PTPRD: variants seen among roughly 807,000 people sequenced by gnomAD.
PTPRD encodes the protein protein tyrosine phosphatase receptor type D, also known as receptor-type tyrosine-protein phosphatase delta.
Under a neutral mutation model 214.5 loss-of-function variants are expected in PTPRD, and 34 were observed. The observed-to-expected ratio is 0.16, with a 90% CI of 0.12 to 0.21. The LOEUF (loss-of-function observed/expected upper bound fraction) is 0.21, where lower values mean the gene tolerates loss of function less well. Among genes scored for constraint, PTPRD ranks in the 10% least tolerant of loss-of-function variants. The pLI is 1.00. For missense variants in PTPRD, 2,545 were observed against 2,398.7 expected (o/e 1.06, Z -1.27); for synonymous variants, 1,128 against 845.7 (o/e 1.33, Z -5.79).
At chr9:10,047,128 G>A (rs1011886253) in intron 3 of PTPRD, among the ~76,000 whole-genome samples, 30 of 151,914 alleles carry the variant, frequency 2.0e-4, no homozygotes, top group African/African-American at 6.5e-4. Flanking sequence ...TATAGCATAC[G>A]TAAGTTAAAA....
intron 7 of PTPRD, among the ~76,000 whole-genome samples, chr9:9,664,031 T>C (rs1165905622): frequency 1.3e-5 from 2 of 149,210 alleles, no homozygotes; most frequent in Non-Finnish European, 3.0e-5. Context: ...CACTGATACA[T>C]TAGGTTTTAA....
At chr9:10,381,568 C>T (rs1241834630) in intron 2 of PTPRD, among the ~76,000 whole-genome samples, 1 of 151,976 alleles carries the variant, frequency 6.6e-6, no homozygotes, top group Middle Eastern at 3.2e-3. Context: ...ACAGACCAAG[C>T]ATCTATTTTG....
At chr9:8,626,120 C>G (rs2154307135) in intron 14 of PTPRD, among the ~76,000 whole-genome samples, 1 of 151,886 alleles carries the variant, frequency 6.6e-6, no homozygotes, top group South Asian at 2.1e-4. Context: ...AAAACTACAT[C>G]TTAATTAGTA....
At chr9:8,891,659 C>T (rs144030040) in intron 11 of PTPRD, among the ~76,000 whole-genome samples, 4 of 152,208 alleles carry the variant, frequency 2.6e-5, no homozygotes, top group African/African-American at 9.6e-5. Flanking sequence ...ATGGACGCAG[C>T]GATGGAGGCA....
chr9:9,615,501 C>T (rs2094806099), intron 7 of PTPRD, among the ~76,000 whole-genome samples: 1 of 152,190 alleles, frequency 6.6e-6, no homozygotes, highest in South Asian at 2.1e-4. Flanking sequence ...CAAGGGTTGT[C>T]TGCTTAGGTT....
chr9:8,964,517 C>T (rs2099179493), intron 11 of PTPRD, among the ~76,000 whole-genome samples: 1 of 151,752 alleles, frequency 6.6e-6, no homozygotes, highest in Non-Finnish European at 1.5e-5. Context: ...TTTTTGGTTT[C>T]ATTGATTCTT....
At position 8,320,007 on chromosome 9, in the gene PTPRD, C is replaced by A. The variant is rs762376867; in HGVS notation, c.5535-41G>T. 11 of 1,602,876 alleles carry A rather than the reference C, an allele frequency of 6.9e-6. No individual in the cohort carries two copies. In the East Asian group the frequency reaches 1.8e-4, roughly 26 times the overall value. On this transcript the variant is annotated intron_variant, in intron 44 of 45. Coordinates refer to ENST00000381196, the MANE Select transcript of PTPRD (RefSeq NM_002839.4). ...AGGCGATGTTACTGGGTGAGATGTT[C>A]ACAGTCTTGGCCACATTTGCTTGGG... is the stretch of plus-strand genomic sequence containing the variant.
chr9:8,663,821 T>C (rs544135025), intron 12 of PTPRD, among the ~76,000 whole-genome samples: 5 of 152,108 alleles, frequency 3.3e-5, no homozygotes, highest in South Asian at 4.2e-4. Flanking sequence ...ATGATGGTAC[T>C]ATATTTGCTT....
intron 11 of PTPRD, among the ~76,000 whole-genome samples, chr9:8,969,275 G>T (rs1340585454): frequency 1.3e-5 from 2 of 152,042 alleles, no homozygotes; most frequent in African/African-American, 4.8e-5. Context: ...TCCTGTAGAT[G>T]TTATAGACTG....
At chr9:9,876,474 T>G (rs567565061) in intron 5 of PTPRD, among the ~76,000 whole-genome samples, 1 of 152,232 alleles carries the variant, frequency 6.6e-6, no homozygotes, top group East Asian at 1.9e-4. Flanking sequence ...CTATTTTAAT[T>G]ATATCACCTC....
At chr9:8,534,656 C>A (rs1172870794) in intron 14 of PTPRD, among the ~76,000 whole-genome samples, 1 of 151,678 alleles carries the variant, frequency 6.6e-6, no homozygotes, top group Non-Finnish European at 1.5e-5. Flanking sequence ...CACACACACA[C>A]TAGGACTGTC....
intron 11 of PTPRD, among the ~76,000 whole-genome samples, chr9:8,837,180 A>T (rs1053943369): frequency 6.6e-6 from 1 of 151,674 alleles, no homozygotes; most frequent in African/African-American, 2.4e-5. Flanking sequence ...ATGACCAGCT[A>T]ATTTTTGTAT....
At chr9:8,901,320 C>G (rs984102677) in intron 11 of PTPRD, among the ~76,000 whole-genome samples, 1 of 152,136 alleles carries the variant, frequency 6.6e-6, no homozygotes, top group African/African-American at 2.4e-5. Flanking sequence ...GAGAAAGAAA[C>G]AAGCCAATGG....
intron 2 of PTPRD, among the ~76,000 whole-genome samples, chr9:10,527,214 A>G (rs1275268027): frequency 6.6e-6 from 1 of 152,146 alleles, no homozygotes; most frequent in Non-Finnish European, 1.5e-5. Flanking sequence ...TTTCTTTAAA[A>G]CAGATAAATA....
At chr9:9,464,252 C>T (rs1435567266) in intron 8 of PTPRD, among the ~76,000 whole-genome samples, 1 of 152,082 alleles carries the variant, frequency 6.6e-6, no homozygotes, top group African/African-American at 2.4e-5. Context: ...TAGTGAACAT[C>T]GTATCCAATA....
chr9:8,437,961 C>T (rs1038182367), intron 34 of PTPRD, among the ~76,000 whole-genome samples: 3 of 152,106 alleles, frequency 2.0e-5, no homozygotes, highest in African/African-American at 7.2e-5. Flanking sequence ...CATGAAAGAG[C>T]ATTGCTGACT....
At chr9:8,828,668 G>C (rs1374753673) in intron 11 of PTPRD, among the ~76,000 whole-genome samples, 1 of 152,138 alleles carries the variant, frequency 6.6e-6, no homozygotes, top group Non-Finnish European at 1.5e-5. Context: ...TGAAGAACTA[G>C]TTATCAAAAA....
intron 35 of PTPRD, among the ~76,000 whole-genome samples, chr9:8,426,147 C>T (rs749177553): frequency 1.3e-5 from 2 of 152,188 alleles, no homozygotes; most frequent in Non-Finnish European, 2.9e-5. Flanking sequence ...AGAGCCACTT[C>T]TGTTGACCAA....
intron 9 of PTPRD, among the ~76,000 whole-genome samples, chr9:9,223,915 T>C (rs183309457): frequency 1.1e-4 from 17 of 152,024 alleles, no homozygotes; most frequent in African/African-American, 4.1e-4. Context: ...TATGCTTGCA[T>C]GGCTGAAATG....
Sources: allele counts gnomAD v4.1 joint callset (sites outside exome capture counted in the v4.1 genomes callset), GRCh38; gene constraint gnomAD v4.1.1; transcripts MANE v1.5; gene names NCBI Gene and HGNC (gene_info 2026-07-23, HGNC 2026-07-21).